CCDC178: variants seen among roughly 807,000 people sequenced by gnomAD.
CCDC178 encodes coiled-coil domain-containing protein 178.
CCDC178 carries 126 observed loss-of-function variants against 117.4 expected under a neutral mutation model. The observed-to-expected ratio is 1.07, with a 90% CI of 0.93 to 1.24. The LOEUF (loss-of-function observed/expected upper bound fraction) is 1.24, where lower values mean the gene tolerates loss of function less well. Ranked by LOEUF, CCDC178 falls within the 50% of genes most tolerant of loss-of-function variation. The pLI is 0.00. For synonymous variants in CCDC178, 283 were observed against 313.4 expected (o/e 0.90, Z 1.02); for missense variants, 1,030 against 986.9 (o/e 1.04, Z -0.59).
At chr18:32,944,586 T>C (rs2054305432) in intron 22 of CCDC178, among the ~76,000 whole-genome samples, 1 of 152,212 alleles carries the variant, frequency 6.6e-6, no homozygotes. Context: ...CCCCAATGTG[T>C]TCTTACAGCT....
chr18:33,357,248 C>G (rs2063070169), intron 6 of CCDC178, among the ~76,000 whole-genome samples: 1 of 152,076 alleles, frequency 6.6e-6, no homozygotes, highest in Admixed American at 6.6e-5. Context: ...TTCCTGGGAC[C>G]TCCTGAGGCT....
intron 7 of CCDC178, among the ~76,000 whole-genome samples, chr18:33,354,830 G>C (rs2063031833): frequency 1.3e-5 from 2 of 152,050 alleles, no homozygotes; most frequent in Admixed American, 1.3e-4. Flanking sequence ...GGCCAGGCTG[G>C]TCTTGAATCC....
chr18:33,153,154 AT>A (rs1174113332), intron 20 of CCDC178, among the ~76,000 whole-genome samples: 19 of 148,104 alleles, frequency 1.3e-4, no homozygotes, highest in African/African-American at 4.7e-4. Flanking sequence ...ATATATATAT[AT>A]AACATATATT....
chr18:33,024,809 AT>A (rs34250187), intron 21 of CCDC178, among the ~76,000 whole-genome samples: 101,209 of 139,348 alleles, frequency 0.73, 40,058 homozygotes, highest in South Asian at 0.91. Flanking sequence ...ATGCTCAGCT[AT>A]TTTTTTTTTT....
chr18:33,386,524 C>T (rs1295888798), intron 5 of CCDC178, among the ~76,000 whole-genome samples: 1 of 152,150 alleles, frequency 6.6e-6, no homozygotes, highest in Non-Finnish European at 1.5e-5. Flanking sequence ...GCTTACCCAC[C>T]ATGATCAAGT....
intron 22 of CCDC178, among the ~76,000 whole-genome samples, chr18:32,945,426 A>C (rs1407860310): frequency 6.6e-6 from 1 of 152,228 alleles, no homozygotes; most frequent in East Asian, 1.9e-4. Context: ...ATACAAAACA[A>C]TTTAGCATTG....
Position 33,211,943 on chromosome 18 carries a change from A to G in CCDC178, c.2191T>C (p.Phe731Leu). Residue 731 changes from phenylalanine to leucine, a missense_variant, in exon 20 of 23, where the codon TTT becomes CTT. Transcript: ENST00000383096. Reference sequence around the variant, plus strand: ...TGTCTTACAGCAAGGAGCACTCTAAATCTCTGATCTTCCTCAAAGATTCTC... The same window carrying G: ...TGTCTTACAGCAAGGAGCACTCTAAGTCTCTGATCTTCCTCAAAGATTCTC... ...EERIFEEDQR[F>L]RVLLAVRQKT... 6.2e-7 allele frequency: 1 copy of G among 1,609,878 alleles called. No homozygotes were observed. Among genetic ancestry groups the G allele is most frequent in the Non-Finnish European group, 8.5e-7 (1 of 1,178,174 alleles).
chr18:33,124,459 C>G (rs2057978004), intron 20 of CCDC178, among the ~76,000 whole-genome samples: 1 of 152,104 alleles, frequency 6.6e-6, no homozygotes, highest in Non-Finnish European at 1.5e-5. Context: ...CAATAAATAG[C>G]TGATACCATA....
intron 21 of CCDC178, among the ~76,000 whole-genome samples, chr18:33,060,751 A>G (rs769358461): frequency 2.4e-4 from 37 of 152,118 alleles, no homozygotes; most frequent in Non-Finnish European, 5.4e-4. Context: ...AGTAATGCAC[A>G]TATGTGGGAA....
intron 15 of CCDC178, among the ~76,000 whole-genome samples, chr18:33,241,533 G>A (rs2059488434): frequency 6.6e-6 from 1 of 150,470 alleles, no homozygotes; most frequent in Admixed American, 6.6e-5. Context: ...GAGATATAAA[G>A]TCAACATGAA....
intron 21 of CCDC178, among the ~76,000 whole-genome samples, chr18:33,089,497 ATT>A (rs2057430773): frequency 6.6e-6 from 1 of 152,172 alleles, no homozygotes; most frequent in South Asian, 2.1e-4. Flanking sequence ...CCACACAAGT[ATT>A]TGTTACGTGT....
At chr18:32,995,112 C>A (rs2055475524) in intron 21 of CCDC178, among the ~76,000 whole-genome samples, 1 of 152,026 alleles carries the variant, frequency 6.6e-6, no homozygotes, top group South Asian at 2.1e-4. Flanking sequence ...GGGCTCAGTC[C>A]CTGGAAACAG....
At chr18:33,014,193 C>T (rs2055932353) in intron 21 of CCDC178, among the ~76,000 whole-genome samples, 1 of 152,186 alleles carries the variant, frequency 6.6e-6, no homozygotes, top group South Asian at 2.1e-4. Context: ...ACACAGGATG[C>T]AGCGGAATGA....
At chr18:33,370,265 A>G (rs1048953466) in intron 5 of CCDC178, 76 bp from the exon 6 acceptor site, 1 of 1,116,652 alleles carries the variant, frequency 9.0e-7, no homozygotes, top group Admixed American at 3.6e-5. Flanking sequence ...TAAGCAAAAA[A>G]ATTCTGCTTT....
At chr18:33,306,274 T>G (rs2062246580) in intron 11 of CCDC178, among the ~76,000 whole-genome samples, 2 of 152,014 alleles carry the variant, frequency 1.3e-5, no homozygotes, top group Non-Finnish European at 1.5e-5. Flanking sequence ...GGATTATCTA[T>G]TGGGAAAAAC....
chr18:33,328,096 T>TGTTTG, intron 10 of CCDC178: 2 of 149,954 alleles, frequency 1.3e-5, no homozygotes, highest in South Asian at 4.9e-5. Flanking sequence ...TTTTTTTTTT[T>TGTTTG]TTTTTTTTTT....
chr18:33,024,809 ATT>A (rs34250187), intron 21 of CCDC178, among the ~76,000 whole-genome samples: 15,221 of 139,414 alleles, frequency 0.11, 881 homozygotes, highest in African/African-American at 0.14. Flanking sequence ...ATGCTCAGCT[ATT>A]TTTTTTTTTT....
At chr18:33,042,678 A>G (rs557941061) in intron 21 of CCDC178, among the ~76,000 whole-genome samples, 1 of 152,054 alleles carries the variant, frequency 6.6e-6, no homozygotes, top group Admixed American at 6.6e-5. Context: ...TGTGGTTACT[A>G]GGTGAATTTT....
At chr18:33,166,139 G>T (rs1453774129) in intron 20 of CCDC178, among the ~76,000 whole-genome samples, 1 of 152,078 alleles carries the variant, frequency 6.6e-6, no homozygotes, top group African/African-American at 2.4e-5. Flanking sequence ...ATAGTTTATA[G>T]GTCCTTCCTC....
Sources: gnomAD v4.1 joint callset for allele counts (sites outside exome capture counted in the v4.1 genomes callset) on GRCh38, gnomAD v4.1.1 for gene constraint, MANE v1.5 for transcripts, NCBI Gene and HGNC (gene_info 2026-07-23, HGNC 2026-07-21) for gene names.